ZNF385D: variants seen among roughly 807,000 people sequenced by gnomAD.
ZNF385D encodes zinc finger protein 659.
Under a neutral mutation model 35.8 loss-of-function variants are expected in ZNF385D, and 15 were observed. The observed-to-expected ratio is 0.42, with a 90% CI of 0.28 to 0.64. The LOEUF (loss-of-function observed/expected upper bound fraction) is 0.64, where lower values mean the gene tolerates loss of function less well. Among genes scored for constraint, ZNF385D ranks in the 30% least tolerant of loss-of-function variants. The pLI is 0.23. For synonymous variants in ZNF385D, 212 were observed against 186.8 expected (o/e 1.13, Z -1.10); for missense variants, 474 against 494.6 (o/e 0.96, Z 0.39).
intron 2 of ZNF385D, among the ~76,000 whole-genome samples, chr3:22,197,059 T>G (rs1342957425): frequency 6.6e-6 from 1 of 152,128 alleles, no homozygotes; most frequent in African/African-American, 2.4e-5. Flanking sequence ...ATTTTTCTGT[T>G]GAAAAGTCAG....
chr3:22,027,849 T>G (rs778144835), intron 3 of ZNF385D, among the ~76,000 whole-genome samples: 1 of 152,090 alleles, frequency 6.6e-6, no homozygotes, highest in African/African-American at 2.4e-5. Flanking sequence ...TATGATCAGT[T>G]GACAGAGGAA....
intron 4 of ZNF385D, among the ~76,000 whole-genome samples, chr3:21,505,742 C>T (rs1409870475): frequency 2.0e-5 from 3 of 152,108 alleles, no homozygotes; most frequent in Non-Finnish European, 4.4e-5. Context: ...CTTCATGTCC[C>T]TGTTTCAGCT....
chr3:21,561,188 G>A (rs1037428694), intron 3 of ZNF385D, among the ~76,000 whole-genome samples: 2 of 152,164 alleles, frequency 1.3e-5, no homozygotes, highest in Non-Finnish European at 2.9e-5. Context: ...AGCCACTGGG[G>A]TATGAAAAAG....
At chr3:22,169,273 T>G (rs2125758290) in intron 2 of ZNF385D, among the ~76,000 whole-genome samples, 1 of 152,322 alleles carries the variant, frequency 6.6e-6, no homozygotes, top group East Asian at 1.9e-4. Context: ...ATGTTTTTAT[T>G]ACTTCATTTA....
intron 3 of ZNF385D, among the ~76,000 whole-genome samples, chr3:21,758,063 T>C (rs1267078480): frequency 6.6e-6 from 1 of 152,224 alleles, no homozygotes; most frequent in African/African-American, 2.4e-5. Context: ...ACTACCTGAA[T>C]CTCAGATACT....
chr3:21,544,396 G>A (rs140532492), intron 3 of ZNF385D, among the ~76,000 whole-genome samples: 1 of 152,242 alleles, frequency 6.6e-6, no homozygotes, highest in South Asian at 2.1e-4. Context: ...ACTAGAAATG[G>A]ATTTGCATGC....
chr3:21,524,285 G>A (rs1708085600), intron 3 of ZNF385D, among the ~76,000 whole-genome samples: 1 of 152,188 alleles, frequency 6.6e-6, no homozygotes, highest in Non-Finnish European at 1.5e-5. Context: ...GATGGTAACT[G>A]AAGCCACTGG....
At chr3:22,156,464 C>T (rs543924155) in intron 3 of ZNF385D, among the ~76,000 whole-genome samples, 1 of 152,146 alleles carries the variant, frequency 6.6e-6, no homozygotes, top group East Asian at 1.9e-4. Context: ...ACCACCAGAG[C>T]TAGGTTTAGA....
intron 3 of ZNF385D, among the ~76,000 whole-genome samples, chr3:22,073,751 G>T (rs576854050): frequency 6.6e-6 from 1 of 152,036 alleles, no homozygotes; most frequent in Admixed American, 6.6e-5. Context: ...TTGCTGAATT[G>T]AAGAATACAT....
In ZNF385D at chr3:21,683,559, G is replaced by C. The variant is rs752203672; in HGVS notation, c.23-18531C>G. On this transcript the variant is annotated intron_variant, in intron 1 of 7. Coordinates refer to ENST00000281523, the MANE Select transcript of ZNF385D (RefSeq NM_024697.3). ...TTGAACCTGGGAGGCGAAGGTTGCA[G>C]TGAGCCGAGATCGCACCACTGCACT... 6.7e-5 allele frequency among the ~76,000 whole-genome samples: 10 copies of C among 149,736 alleles called. 1 individual carries two copies. Among genetic ancestry groups the C allele is most frequent in the Non-Finnish European group, 1.5e-4 (10 of 67,318 alleles).
At chr3:21,898,088 A>T (rs1699224755) in intron 3 of ZNF385D, among the ~76,000 whole-genome samples, 1 of 152,152 alleles carries the variant, frequency 6.6e-6, no homozygotes, top group Non-Finnish European at 1.5e-5. Context: ...TAGACTAGGA[A>T]GTATGTGAAT....
At chr3:21,583,187 C>T (rs918449617) in intron 2 of ZNF385D, among the ~76,000 whole-genome samples, 5 of 152,188 alleles carry the variant, frequency 3.3e-5, no homozygotes, top group East Asian at 3.9e-4. Context: ...ACTATAAAAA[C>T]GAAAATATAA....
chr3:22,150,192 T>C (rs1705128641), intron 3 of ZNF385D, among the ~76,000 whole-genome samples: 1 of 152,170 alleles, frequency 6.6e-6, no homozygotes, highest in Non-Finnish European at 1.5e-5. Flanking sequence ...AAATAAGTCT[T>C]AGTTTAGGAA....
chr3:22,284,483 CCTGTCCCCA>C (rs1559498259), intron 2 of ZNF385D, among the ~76,000 whole-genome samples: 1 of 151,998 alleles, frequency 6.6e-6, no homozygotes, highest in East Asian at 1.9e-4. Flanking sequence ...AGCCACTGCA[CCTGTCCCCA>C]ACACAGGATT....
chr3:21,463,146 G>C (rs775935451), intron 4 of ZNF385D, among the ~76,000 whole-genome samples: 3 of 152,016 alleles, frequency 2.0e-5, no homozygotes, highest in Admixed American at 2.0e-4. Context: ...CATTTTATTA[G>C]ATGTAGTAAT....
intron 2 of ZNF385D, among the ~76,000 whole-genome samples, chr3:22,279,489 A>AATATACATATGTACATATATATGT: frequency 9.5e-6 from 1 of 105,050 alleles, no homozygotes; most frequent in African/African-American, 3.6e-5. Flanking sequence ...ATATATATGG[A>AATATACATATGTACATATATATGT]ATATACATAT....
chr3:21,628,651 T>A (rs1175111288), intron 2 of ZNF385D, among the ~76,000 whole-genome samples: 1 of 152,090 alleles, frequency 6.6e-6, no homozygotes, highest in Non-Finnish European at 1.5e-5. Flanking sequence ...CTGCCAGCAG[T>A]GGAATAAACT....
intron 3 of ZNF385D, among the ~76,000 whole-genome samples, chr3:21,837,441 C>G (rs1421691237): frequency 6.6e-6 from 1 of 152,108 alleles, no homozygotes; most frequent in Non-Finnish European, 1.5e-5. Context: ...GCCTCTCTTT[C>G]TACATCCCAG....
At chr3:21,705,368 A>C (rs2067857960) in intron 1 of ZNF385D, among the ~76,000 whole-genome samples, 1 of 152,212 alleles carries the variant, frequency 6.6e-6, no homozygotes, top group East Asian at 1.9e-4. Context: ...AAGGGCAGCA[A>C]GTTCTCCTAT....
Sources: gnomAD v4.1 joint callset for allele counts (sites outside exome capture counted in the v4.1 genomes callset) on GRCh38, gnomAD v4.1.1 for gene constraint, MANE v1.5 for transcripts, NCBI Gene and HGNC (gene_info 2026-07-23, HGNC 2026-07-21) for gene names.